Variants in SYT13 observed in about 807,000 individuals in gnomAD.
The protein encoded by SYT13 is synaptotagmin 13, also known as synaptotagmin-13.
In SYT13, 21 loss-of-function variants were observed where a neutral mutation model predicts 38.6. The ratio of observed to expected loss-of-function variants is 0.54; its 90% confidence interval spans 0.39 to 0.78. SYT13 has a LOEUF of 0.78. SYT13 is among the 30% of genes least tolerant of loss of function. The probability of loss-of-function intolerance (pLI) is 0.00; values close to 1 mark genes in which losing one functional copy is unlikely to be tolerated. For synonymous variants in SYT13, 241 were observed against 237.6 expected, an observed-to-expected ratio of 1.01 and a Z score of -0.13; for missense variants, 495 against 548.7, an observed-to-expected ratio of 0.90 and a Z score of 0.98.
chr11:45,252,705 C>T lies in SYT13; in HGVS notation c.562G>A (p.Asp188Asn), dbSNP rs1351423803. The T allele has an allele frequency of 1.9e-6, 3 of 1,578,718 alleles. No homozygotes were observed. Among genetic ancestry groups the T allele is most frequent in the African/African-American group, 2.7e-5 (2 of 74,204 alleles). ...TGGACGTAGCAGTCACAGCCTCCGTCGTGGTTGCTGGTCACAGCTGCAGGC... is the reference window on the plus strand; with the variant it reads ...TGGACGTAGCAGTCACAGCCTCCGTTGTGGTTGCTGGTCACAGCTGCAGGC... ...TRLEAVTSNH[D>N]GGCDCYVQGS... Residue 188 changes from aspartate to asparagine, a missense_variant, in exon 4 of 6, where the codon GAC becomes AAC. Physicochemically the swap from Asp to Asn is conservative, Grantham distance 23. Transcript: ENST00000020926. This position sits in a 1 kb window ranked among gnomAD's most constrained non-coding sequence, Gnocchi z 4.3.
chr11:45,283,106 C>A (rs1048933577), intron 1 of SYT13, among the ~76,000 whole-genome samples: 2 of 152,228 alleles, frequency 1.3e-5, no homozygotes, highest in Admixed American at 6.5e-5. Context: ...CGTGATCACA[C>A]CACTGCACTC....
rs565058937 is a variant in SYT13, at chr11:45,252,491, C to T, written c.776G>A (p.Arg259His). The T allele has an allele frequency of 2.9e-5, 46 of 1,613,472 alleles. No individual in the cohort carries two copies. The South Asian group carries it at 4.5e-4, about 16-fold the overall frequency. Residue 259 changes from arginine to histidine, a missense_variant, in exon 4 of 6, where the codon CGC (arginine) becomes CAC (histidine). Coordinates refer to ENST00000020926, the MANE Select transcript of SYT13 (RefSeq NM_020826.3). This position sits in a 1 kb window ranked among gnomAD's most constrained non-coding sequence, Gnocchi z 4.3. Reference sequence around the variant, plus strand: ...CACAGATGTCCCGTCCAGGCCCAGGCGGAGCTCCCCGGCCACGCTGTGACG... The same window carrying T: ...CACAGATGTCCCGTCCAGGCCCAGGTGGAGCTCCCCGGCCACGCTGTGACG... ...FSRHSVAGEL[R>H]LGLDGTSVPL...
At chr11:45,251,409 A>AAAAAAT (rs1473071607) in intron 4 of SYT13, among the ~76,000 whole-genome samples, 1 of 151,414 alleles carries the variant, frequency 6.6e-6, no homozygotes, top group African/African-American at 2.4e-5. Context: ...AAAAAAAAAA[A>AAAAAAT]ATAGTGCCCT....
intron 2 of SYT13, chr11:45,254,702 C>A (rs1854721306): frequency 3.7e-6 from 1 of 270,528 alleles, no homozygotes; most frequent in Non-Finnish European, 6.9e-6. Flanking sequence ...TTCTTTGGGT[C>A]AGGGACGATC....
At chr11:45,266,188 C>T (rs1854879351) in intron 1 of SYT13, among the ~76,000 whole-genome samples, 1 of 152,108 alleles carries the variant, frequency 6.6e-6, no homozygotes, top group Non-Finnish European at 1.5e-5. Context: ...ACACAATCAG[C>T]CCAGAACTTG....
intron 5 of SYT13, among the ~76,000 whole-genome samples, chr11:45,245,671 G>A (rs1854605614): frequency 1.3e-5 from 2 of 152,250 alleles, no homozygotes; most frequent in Non-Finnish European, 2.9e-5. Flanking sequence ...TGCTCATATA[G>A]GAGAGCTTGT....
chr11:45,264,013 G>T (rs1854851696), intron 1 of SYT13, among the ~76,000 whole-genome samples: 1 of 152,214 alleles, frequency 6.6e-6, no homozygotes, highest in Admixed American at 6.5e-5. Flanking sequence ...CTAGGGTCTA[G>T]TCAGGTGCTA....
chr11:45,259,154 A>T (rs950974740), intron 1 of SYT13, among the ~76,000 whole-genome samples: 2 of 152,028 alleles, frequency 1.3e-5, no homozygotes, highest in African/African-American at 4.8e-5. Context: ...GGGCCCACCC[A>T]CTGCCACTCC....
At position 45,255,760 on chromosome 11, in the gene SYT13, C is replaced by G; in HGVS notation, c.315G>C (p.Thr105=). ...INYADYSLRS[T]EEPTAPASPQ... is the part of the protein sequence containing the mutation. Reference sequence around the variant, plus strand: ...GGCTGGCAGGTGCAGTGGGCTCCTCCGTAGACCTCAGTGAATAGTCTGCAT... The same window carrying G: ...GGCTGGCAGGTGCAGTGGGCTCCTCGGTAGACCTCAGTGAATAGTCTGCAT... Residue 105 remains threonine (T), a synonymous_variant, in exon 2 of 6, where the codon ACG becomes ACC. Coordinates refer to ENST00000020926, the MANE Select transcript of SYT13 (RefSeq NM_020826.3). 1.2e-6 allele frequency: 2 copies of G among 1,614,138 alleles called. No individual in the cohort carries two copies. Among genetic ancestry groups the G allele is most frequent in the Non-Finnish European group, 1.7e-6 (2 of 1,180,034 alleles).
intron 1 of SYT13, among the ~76,000 whole-genome samples, chr11:45,276,128 G>A (rs1278411773): frequency 6.6e-6 from 1 of 152,150 alleles, no homozygotes; most frequent in Non-Finnish European, 1.5e-5. Context: ...AAAGACACGT[G>A]TACATGTATG....
At chr11:45,276,874 C>A (rs1283548642) in intron 1 of SYT13, among the ~76,000 whole-genome samples, 1 of 152,036 alleles carries the variant, frequency 6.6e-6, no homozygotes, top group Non-Finnish European at 1.5e-5. Flanking sequence ...ATAGAATTAC[C>A]ATATGACCCA....
In SYT13 at chr11:45,246,411, A is replaced by G; in HGVS notation, c.948T>C (p.Ser316=). The change falls in exon 5 of 6, where the codon TCT becomes TCC. Residue 316 remains serine, a synonymous_variant. Coordinates refer to ENST00000020926, the MANE Select transcript of SYT13 (RefSeq NM_020826.3). ...VVLIKAKNLH[S]NQSKELLGKD... ...TCCCCAGGAGCTCCTTGGACTGGTT[A>G]GAGTGGAGGTTCTTGGCTTTAATCA... 1.2e-6 allele frequency: 2 copies of G among 1,614,062 alleles called. No homozygotes were observed. The highest frequency in any genetic ancestry group is 1.7e-6 in the Non-Finnish European group (2 of 1,179,984).
At chr11:45,263,224 C>G (rs1242875902) in intron 1 of SYT13, among the ~76,000 whole-genome samples, 1 of 152,220 alleles carries the variant, frequency 6.6e-6, no homozygotes, top group Non-Finnish European at 1.5e-5. Context: ...AGGTCCTATG[C>G]TAAGTGTTCA....
intron 1 of SYT13, among the ~76,000 whole-genome samples, chr11:45,264,589 A>G (rs180816026): frequency 2.6e-5 from 4 of 152,308 alleles, no homozygotes; most frequent in Admixed American, 1.3e-4. Flanking sequence ...ACAGCCCCAG[A>G]GGACACCTTG....
chr11:45,257,210 C>A (rs1854759437), intron 1 of SYT13, among the ~76,000 whole-genome samples: 2 of 152,228 alleles, frequency 1.3e-5, no homozygotes, highest in Admixed American at 1.3e-4. Flanking sequence ...ACAGCATCTA[C>A]AGAGACATTG....
At chr11:45,258,908 A>G (rs1454756145) in intron 1 of SYT13, among the ~76,000 whole-genome samples, 1 of 152,198 alleles carries the variant, frequency 6.6e-6, no homozygotes, top group Non-Finnish European at 1.5e-5. Context: ...AATATCTCAT[A>G]TAACTCTGTA....
intron 4 of SYT13, among the ~76,000 whole-genome samples, chr11:45,251,149 G>C (rs1854668952): frequency 3.3e-5 from 5 of 151,986 alleles, no homozygotes; most frequent in African/African-American, 1.2e-4. Flanking sequence ...CAGGACTTTG[G>C]GAGGCTGAGG....
At chr11:45,273,330 G>A (rs111941729) in intron 1 of SYT13, among the ~76,000 whole-genome samples, 37 of 152,272 alleles carry the variant, frequency 2.4e-4, no homozygotes, top group African/African-American at 8.7e-4. Context: ...TAGCAGGGAG[G>A]GAGCAGGGGT....
chr11:45,255,484 A>G (rs1490596459), intron 2 of SYT13, among the ~76,000 whole-genome samples, 182 bp downstream of exon 2: 1 of 152,158 alleles, frequency 6.6e-6, no homozygotes, highest in African/African-American at 2.4e-5. Context: ...GAGAAGTGGT[A>G]TGGCAACATG....
Sources: gnomAD v4.1 joint callset for allele counts (sites outside exome capture counted in the v4.1 genomes callset) on GRCh38, gnomAD v4.1.1 for gene constraint, Gnocchi (gnomAD v3.1) non-coding constraint, MANE v1.5 for transcripts, NCBI Gene and HGNC (gene_info 2026-07-23, HGNC 2026-07-21) for gene names.